AP3B1: variants seen among roughly 807,000 people sequenced by gnomAD.
The protein encoded by AP3B1 is AP-3 complex subunit beta-1.
Under a neutral mutation model 132.5 loss-of-function variants are expected in AP3B1, and 61 were observed. The ratio of observed to expected loss-of-function variants is 0.46; its 90% CI spans 0.37 to 0.57. AP3B1 has a LOEUF of 0.57. Ranked by LOEUF, AP3B1 falls within the 20% of genes least tolerant of loss-of-function variation. AP3B1 has a pLI of 0.00. For synonymous variants in AP3B1, 388 were observed against 438.3 expected, an observed-to-expected ratio of 0.89 and a Z score of 1.43; for missense variants, 1,120 against 1,289.4, an observed-to-expected ratio of 0.87 and a Z score of 2.01.
chr5:78,003,199 A>C, intron 26 of AP3B1, 144 bp from the exon 27 acceptor site: 1 of 944,218 alleles, frequency 1.1e-6, no homozygotes. Flanking sequence ...ACCCAAAGCC[A>C]AGCATTCTTC....
chr5:78,177,491 C>T (rs1744196425), intron 8 of AP3B1, 55 bp from the exon 9 acceptor site: 5 of 1,238,260 alleles, frequency 4.0e-6, no homozygotes, highest in Middle Eastern at 1.9e-4. Context: ...CACTCTACAA[C>T]CTCAAAATCC....
intron 2 of AP3B1, among the ~76,000 whole-genome samples, chr5:78,256,174 C>T (rs776195491): frequency 3.1e-4 from 46 of 150,774 alleles, no homozygotes; most frequent in Admixed American, 1.8e-3. Flanking sequence ...ATAATAGAGA[C>T]CAGAGAAGAA....
intron 2 of AP3B1, among the ~76,000 whole-genome samples, chr5:78,250,074 C>G (rs935565065): frequency 1.3e-5 from 2 of 152,174 alleles, no homozygotes; most frequent in African/African-American, 4.8e-5. Context: ...ATCTACCAAT[C>G]TAGTTACAAC....
Position 78,020,805 on chromosome 5 carries a change from C to T in AP3B1, c.2895-16G>A, listed in dbSNP as rs755086014. 32 of 1,572,232 alleles carry T rather than the reference C, an allele frequency of 2.0e-5. No homozygotes were observed. In the East Asian group the frequency reaches 6.7e-4, roughly 33 times the overall value. ...ATCCTTGGTACTGAAGAAAAACAAT[C>T]AAAGCTGACTAAATGCTTCATAAAT... On this transcript the variant is annotated splice_polypyrimidine_tract_variant and intron_variant, in intron 24 of 26. Coordinates refer to ENST00000255194, the MANE Select transcript of AP3B1 (RefSeq NM_003664.5).
chr5:78,133,372 ATC>A (rs1752765575), intron 15 of AP3B1, among the ~76,000 whole-genome samples: 1 of 152,218 alleles, frequency 6.6e-6, no homozygotes, highest in Admixed American at 6.5e-5. Context: ...TTAAAATGAA[ATC>A]TCTGTTCACT....
At chr5:78,016,538 T>C (rs1221227659) in intron 25 of AP3B1, among the ~76,000 whole-genome samples, 1 of 152,174 alleles carries the variant, frequency 6.6e-6, no homozygotes, top group East Asian at 1.9e-4. Flanking sequence ...GTTTACAAAA[T>C]TGATGAAAAT....
intron 21 of AP3B1, among the ~76,000 whole-genome samples, chr5:78,099,308 C>G (rs777502279): frequency 7.9e-5 from 12 of 152,166 alleles, no homozygotes; most frequent in Non-Finnish European, 1.5e-4. Flanking sequence ...TAGGTGACTT[C>G]TGAGTTGGGG....
chr5:78,212,947 G>A (rs1044982385), intron 7 of AP3B1, among the ~76,000 whole-genome samples: 6 of 151,664 alleles, frequency 4.0e-5, no homozygotes, highest in South Asian at 2.1e-4. Context: ...GTGCGATCTC[G>A]GCTCACTGCA....
chr5:78,031,482 G>C (rs1399471890), intron 24 of AP3B1, among the ~76,000 whole-genome samples: 3 of 152,140 alleles, frequency 2.0e-5, no homozygotes, highest in African/African-American at 7.2e-5. Flanking sequence ...TGTTCTTGTA[G>C]GTCCCCACAT....
chr5:78,195,434 ACT>A lies in AP3B1; in HGVS notation c.787-13774_787-13773del, dbSNP rs577489882. On this transcript the variant is annotated intron_variant, in intron 7 of 26. Transcript: ENST00000255194. ...AACAGAAGAGAAAGCCTAGAAACAG[ACT>A]CTCATAAATACAGCCAACTGCTTTC... 7.3e-4 allele frequency among the ~76,000 whole-genome samples: 111 copies of A among 152,318 alleles called. 1 individual carries two copies. Among genetic ancestry groups the A allele is most frequent in the African/African-American group, 2.4e-3 (101 of 41,566 alleles).
chr5:78,246,635 T>C (rs1747390486), intron 2 of AP3B1, among the ~76,000 whole-genome samples: 1 of 152,210 alleles, frequency 6.6e-6, no homozygotes, highest in Non-Finnish European at 1.5e-5. Flanking sequence ...GGGCTAATGA[T>C]GCCTAAAATA....
chr5:78,189,535 T>C (rs1223770858), intron 7 of AP3B1, among the ~76,000 whole-genome samples: 6 of 152,276 alleles, frequency 3.9e-5, no homozygotes, highest in East Asian at 1.9e-4. Flanking sequence ...GGTTCACAAT[T>C]GATGCAACTG....
chr5:78,093,305 C>T (rs557006169), intron 21 of AP3B1, among the ~76,000 whole-genome samples: 1 of 152,166 alleles, frequency 6.6e-6, no homozygotes, highest in Non-Finnish European at 1.5e-5. Context: ...GCAATCCTCC[C>T]GCCTTGGCCT....
intron 11 of AP3B1, 126 bp downstream of exon 11, chr5:78,175,500 A>G: frequency 1.4e-6 from 1 of 714,032 alleles, no homozygotes; most frequent in East Asian, 2.7e-5. Context: ...AAGTATAAAG[A>G]AAAACCATTA....
chr5:78,012,038 C>A (rs1339305766), intron 26 of AP3B1, among the ~76,000 whole-genome samples: 2 of 151,854 alleles, frequency 1.3e-5, no homozygotes, highest in Admixed American at 1.3e-4. Context: ...AAACTGATTA[C>A]CATTAATAAA....
chr5:78,227,826 A>T (rs1466273316), intron 4 of AP3B1, among the ~76,000 whole-genome samples: 2 of 152,168 alleles, frequency 1.3e-5, no homozygotes, highest in Non-Finnish European at 2.9e-5. Context: ...GCAGGTCATC[A>T]ATTTCATGTT....
rs188120948 is a variant in AP3B1, at chr5:78,068,274, G to A, written c.2577+21119C>T. ...GGAGGTGGAGGTTGCAGTGGGTCAA[G>A]ATCATGCCATTGCACTCCAGCCTGG... On this transcript the variant is annotated intron_variant, in intron 22 of 26. Transcript: ENST00000255194. 4.3e-3 allele frequency among the ~76,000 whole-genome samples: 655 copies of A among 152,224 alleles called. 3 individuals carry two copies. Among genetic ancestry groups the A allele is most frequent in the Non-Finnish European group, 7.4e-3 (505 of 68,018 alleles).
At chr5:78,249,593 T>C (rs1306008376) in intron 2 of AP3B1, among the ~76,000 whole-genome samples, 2 of 146,586 alleles carry the variant, frequency 1.4e-5, no homozygotes, top group African/African-American at 5.0e-5. Flanking sequence ...TTTTTTTTTT[T>C]TTTTTTTTGA....
downstream of AP3B1, chr5:78,002,324 A>G: frequency 3.1e-6 from 1 of 320,752 alleles, no homozygotes; most frequent in Non-Finnish European, 5.6e-6. Flanking sequence ...TGCAAAGACA[A>G]ATATGATTCA....
Sources: gnomAD v4.1 joint callset for allele counts (sites outside exome capture counted in the v4.1 genomes callset) on GRCh38, gnomAD v4.1.1 for gene constraint, MANE v1.5 for transcripts, NCBI Gene and HGNC (gene_info 2026-07-23, HGNC 2026-07-21) for gene names.